SORD: variants seen among roughly 807,000 people sequenced by gnomAD.
The protein encoded by SORD is sorbitol dehydrogenase, also known as (R,R)-butanediol dehydrogenase.
A neutral mutation model predicts 35.6 loss-of-function variants in SORD; 18 were observed. That is an observed-to-expected ratio of 0.51 (90% CI 0.35 to 0.75). The LOEUF (loss-of-function observed/expected upper bound fraction) is 0.75, where lower values mean the gene tolerates loss of function less well. SORD is among the 30% of genes least tolerant of loss of function. SORD has a pLI of 0.01. For synonymous variants in SORD, 106 were observed against 152.9 expected (o/e 0.69, Z 2.26); for missense variants, 250 against 390.2 (o/e 0.64, Z 3.03).
chr15:45,053,534 A>G (rs1893162009), intron 3 of SORD, among the ~76,000 whole-genome samples: 1 of 152,186 alleles, frequency 6.6e-6, no homozygotes, highest in African/African-American at 2.4e-5. Context: ...TAAAATTTAC[A>G]CAGTAGACCA....
At chr15:45,062,412 A>G (rs1400539571) in intron 4 of SORD, among the ~76,000 whole-genome samples, 1 of 152,222 alleles carries the variant, frequency 6.6e-6, no homozygotes, top group Non-Finnish European at 1.5e-5. Flanking sequence ...AGGGTGCCGA[A>G]GTGCCGCTTT....
At chr15:45,071,613 G>A (rs546071651) in intron 7 of SORD, among the ~76,000 whole-genome samples, 33 of 151,988 alleles carry the variant, frequency 2.2e-4, no homozygotes, top group African/African-American at 7.0e-4. Context: ...GTCTCTCACC[G>A]CACTGAGCAC....
At chr15:45,032,393 T>C (rs540338953) in intron 1 of SORD, among the ~76,000 whole-genome samples, 2 of 152,128 alleles carry the variant, frequency 1.3e-5, no homozygotes, top group Non-Finnish European at 2.9e-5. Flanking sequence ...AACATTATTA[T>C]ATATCAATAG....
chr15:45,041,374 C>G (rs528118546), intron 2 of SORD, among the ~76,000 whole-genome samples: 1 of 152,098 alleles, frequency 6.6e-6, no homozygotes, highest in South Asian at 2.1e-4. Context: ...CTCACCCTCC[C>G]CCTCTCACAC....
intron 1 of SORD, among the ~76,000 whole-genome samples, chr15:45,036,945 A>C (rs1817787596): frequency 6.6e-6 from 1 of 152,202 alleles, no homozygotes; most frequent in African/African-American, 2.4e-5. Context: ...CATGGCAAGG[A>C]AACATGAAAA....
At chr15:45,055,815 G>A (rs1284624536) in intron 3 of SORD, among the ~76,000 whole-genome samples, 2 of 152,068 alleles carry the variant, frequency 1.3e-5, no homozygotes, top group Non-Finnish European at 2.9e-5. Flanking sequence ...TTCATCCCTG[G>A]GATGCAAGGC....
At chr15:45,039,864 A>G (rs559128009) in intron 1 of SORD, among the ~76,000 whole-genome samples, 3 of 152,232 alleles carry the variant, frequency 2.0e-5, no homozygotes, top group Non-Finnish European at 4.4e-5. Context: ...ACAAATCTGT[A>G]TCTAAGAACA....
At chr15:45,067,612 G>A (rs1016451748) in intron 5 of SORD, among the ~76,000 whole-genome samples, 4 of 152,152 alleles carry the variant, frequency 2.6e-5, no homozygotes, top group Admixed American at 2.0e-4. Flanking sequence ...CACATAGCAT[G>A]CAGATACCAT....
At chr15:45,039,251 C>G (rs1033661186) in intron 1 of SORD, among the ~76,000 whole-genome samples, 6 of 152,140 alleles carry the variant, frequency 3.9e-5, no homozygotes, top group East Asian at 1.9e-4. Context: ...GCCTCAGCCT[C>G]CTGAGTAGCT....
chr15:45,023,487 G>A (rs537925028), intron 1 of SORD, 138 bp downstream of exon 1: 1 of 700,798 alleles, frequency 1.4e-6, no homozygotes, highest in East Asian at 3.4e-5. Context: ...ATCCCAGCTG[G>A]TTCCCCTCGG....
chr15:45,051,876 A>G (rs1007965748), intron 3 of SORD, among the ~76,000 whole-genome samples: 1 of 152,168 alleles, frequency 6.6e-6, no homozygotes. Flanking sequence ...TTTTATTTCA[A>G]TGCTCAATTT....
intron 8 of SORD, among the ~76,000 whole-genome samples, chr15:45,073,132 C>T (rs1893539140): frequency 7.6e-6 from 1 of 131,612 alleles, no homozygotes; most frequent in Admixed American, 6.9e-5. Flanking sequence ...GGCTCCATGG[C>T]AGACGTGGCA....
At chr15:45,055,121 C>T (rs1215081116) in intron 3 of SORD, among the ~76,000 whole-genome samples, 10 of 152,144 alleles carry the variant, frequency 6.6e-5, no homozygotes, top group East Asian at 3.9e-4. Context: ...ATTGACTTGG[C>T]GATGCGGGCT....
intron 3 of SORD, among the ~76,000 whole-genome samples, chr15:45,052,077 A>G (rs1461649606): frequency 6.6e-6 from 1 of 152,226 alleles, no homozygotes; most frequent in Non-Finnish European, 1.5e-5. Context: ...ATCTTTTACC[A>G]AAACACATTT....
At chr15:45,028,787 C>G (rs931191267) in intron 1 of SORD, among the ~76,000 whole-genome samples, 1 of 146,216 alleles carries the variant, frequency 6.8e-6, no homozygotes, top group African/African-American at 2.7e-5. Flanking sequence ...TTTTTAAATA[C>G]TCTTATTTAT....
chr15:45,028,041 A>G (rs1892705990), intron 1 of SORD, among the ~76,000 whole-genome samples: 1 of 152,228 alleles, frequency 6.6e-6, no homozygotes, highest in Admixed American at 6.5e-5. Flanking sequence ...AAATGCTATA[A>G]ACAGCCAGGC....
intron 1 of SORD, among the ~76,000 whole-genome samples, chr15:45,025,624 C>CAT (rs1555408492): frequency 1.5e-5 from 1 of 68,256 alleles, no homozygotes; most frequent in East Asian, 4.9e-4. Context: ...AAAACTATGT[C>CAT]AAAAAAAAAA....
chr15:45,044,851 C>A (rs1033439338), intron 3 of SORD, among the ~76,000 whole-genome samples: 4 of 151,992 alleles, frequency 2.6e-5, no homozygotes, highest in African/African-American at 9.7e-5. Context: ...ACATGCAGCA[C>A]CATGCCTGGC....
In SORD at chr15:45,069,143, G is replaced by T. The variant is rs1169966121; in HGVS notation, c.786+91G>T. ...TCAAACTTCTTTACCAGCTTGCTGCGTGAGCCCCAAGCCAAACTTATTCAT... is the reference window on the plus strand; with the variant it reads ...TCAAACTTCTTTACCAGCTTGCTGCTTGAGCCCCAAGCCAAACTTATTCAT... On this transcript the variant is annotated intron_variant, in intron 7 of 8. Coordinates refer to ENST00000267814, the MANE Select transcript of SORD (RefSeq NM_003104.6). 4.7e-6 allele frequency: 4 copies of T among 850,966 alleles called. No homozygotes were observed. In the African/African-American group the frequency reaches 5.3e-5, roughly 11 times the overall value. The allele number at this position is 850,966 out of a possible 1,614,324, so 52.7% of individuals were successfully genotyped here.
Sources: gnomAD v4.1 joint callset for allele counts (sites outside exome capture counted in the v4.1 genomes callset) on GRCh38, gnomAD v4.1.1 for gene constraint, MANE v1.5 for transcripts, NCBI Gene and HGNC (gene_info 2026-07-23, HGNC 2026-07-21) for gene names.